Variants in NEB observed in about 807,000 individuals in gnomAD.
The protein encoded by NEB is nemaline myopathy type 2.
Under a neutral mutation model 952.2 loss-of-function variants are expected in NEB, and 512 were observed. The ratio of observed to expected loss-of-function variants is 0.54; its 90% CI spans 0.50 to 0.58. The LOEUF (loss-of-function observed/expected upper bound fraction) is 0.58, where lower values mean the gene tolerates loss of function less well. Among genes scored for constraint, NEB ranks in the 20% least tolerant of loss-of-function variants. NEB has a pLI of 0.00. For missense variants in NEB, 8,428 were observed against 9,231.1 expected (o/e 0.91, Z 3.56); for synonymous variants, 2,900 against 3,149.8 (o/e 0.92, Z 2.66).
intron 107 of NEB, among the ~76,000 whole-genome samples, chr2:151,573,479 GA>G (rs1283072331): frequency 1.3e-5 from 2 of 152,146 alleles, no homozygotes; most frequent in African/African-American, 4.8e-5. Context: ...CTCTTGACAA[GA>G]ATGCGCTGCA....
At chr2:151,538,272 CA>C (rs759896153) in intron 138 of NEB, 28 bp from the exon 139 acceptor site, 5 of 1,490,364 alleles carry the variant, frequency 3.4e-6, no homozygotes, top group African/African-American at 1.4e-5. Context: ...ACATGAATTA[CA>C]AAAAAACTAC....
intron 155 of NEB, 123 bp downstream of exon 155, chr2:151,518,842 G>A: frequency 1.5e-6 from 1 of 656,276 alleles, no homozygotes; most frequent in Non-Finnish European, 2.7e-6. Context: ...ACACTCAAAT[G>A]AGAACAGTTT....
In NEB at chr2:151,546,342, C is replaced by T. The variant is rs750414431; in HGVS notation, c.20466+3G>A. 13 of 1,609,992 alleles carry T rather than the reference C, an allele frequency of 8.1e-6. No homozygotes were observed. The highest frequency in any genetic ancestry group is 1.1e-5 in the Non-Finnish European group (13 of 1,177,770). On this transcript the variant is annotated splice_donor_region_variant and intron_variant, in intron 134 of 181. Coordinates refer to ENST00000397345, the MANE Select transcript of NEB (RefSeq NM_001164508.2). ...ATTATGCATTGTGATGATGTGCACTCACCCAGAGCTTCCGCAGGTGCCGGG... is the reference window on the plus strand; with the variant it reads ...ATTATGCATTGTGATGATGTGCACTTACCCAGAGCTTCCGCAGGTGCCGGG...
In NEB at chr2:151,655,895, C is replaced by A. The variant is rs373278622; in HGVS notation, c.6624G>T (p.Pro2208=). ...YASDQKYRQH[P]SNFQFKKLTD... Reference sequence around the variant, plus strand: ...TCAGCTTCTTAAACTGGAAGTTGCTCGGGTGCTGGCGGTATTTCTGATCAC... The same window carrying A: ...TCAGCTTCTTAAACTGGAAGTTGCTAGGGTGCTGGCGGTATTTCTGATCAC... Residue 2208 remains proline, a synonymous_variant, in exon 50 of 182, where the codon CCG becomes CCT. Coordinates refer to ENST00000397345, the MANE Select transcript of NEB (RefSeq NM_001164508.2). The A allele has an allele frequency of 6.2e-7, 1 of 1,613,748 alleles. No individual in the cohort carries two copies. Among genetic ancestry groups the A allele is most frequent in the African/African-American group, 1.3e-5 (1 of 74,992 alleles).
At chr2:151,665,224 C>A in intron 42 of NEB, 109 bp downstream of exon 42, 1 of 1,047,860 alleles carries the variant, frequency 9.5e-7, no homozygotes, top group Non-Finnish European at 1.4e-6. Flanking sequence ...ACCACCGGCA[C>A]GAAGACGATC....
In NEB at chr2:151,670,983, G is replaced by T. The variant is rs762444626; in HGVS notation, c.4506+40C>A. On this transcript the variant is annotated intron_variant, in intron 38 of 181. Coordinates refer to ENST00000397345, the MANE Select transcript of NEB (RefSeq NM_001164508.2). The stretch of plus-strand genomic sequence containing the variant: ...CGGAGGAGCGGCTCAGACACGTGTG[G>T]TTATTTACGGGCAAATCATTTTGAA... 6 of 1,574,826 alleles carry T rather than the reference G, an allele frequency of 3.8e-6. 1 individual carries two copies. The Admixed American group carries it at 1.0e-4, about 26-fold the overall frequency.
intron 135 of NEB, among the ~76,000 whole-genome samples, chr2:151,542,103 T>C (rs745949259): frequency 1.3e-5 from 2 of 152,176 alleles, no homozygotes; most frequent in Non-Finnish European, 2.9e-5. Context: ...ATGATTGCCA[T>C]GAACACTTCT....
intron 116 of NEB, 125 bp downstream of exon 116, chr2:151,565,376 T>A (rs911901299): frequency 1.3e-6 from 1 of 761,862 alleles, no homozygotes; most frequent in African/African-American, 1.7e-5. Context: ...CCCCCAAAGA[T>A]GATCTTAGAA....
rs186602389 is a variant in NEB at position 151,673,667 on chromosome 2, C to G, written c.3987+810G>C. On this transcript the variant is annotated intron_variant, in intron 36 of 181. Coordinates refer to ENST00000397345, the MANE Select transcript of NEB (RefSeq NM_001164508.2). ...TCTTTTCTCAAACCAAGATTTTATT[C>G]CCTGGGATAGCATGTAACAGTGAAC... Among the ~76,000 whole-genome samples, 553 of 151,614 alleles carry G rather than the reference C, an allele frequency of 3.6e-3. 1 individual carries two copies. Among genetic ancestry groups the G allele is most frequent in the Admixed American group, 6.2e-3 (95 of 15,210 alleles).
At chr2:151,507,129 A>T in intron 162 of NEB, 116 bp from the exon 163 acceptor site, 1 of 663,290 alleles carries the variant, frequency 1.5e-6, no homozygotes, top group Non-Finnish European at 2.6e-6. Flanking sequence ...AAGTCTATGC[A>T]CAATAATTAT....
intron 130 of NEB, among the ~76,000 whole-genome samples, chr2:151,548,669 C>T (rs1049115836): frequency 6.6e-6 from 1 of 152,134 alleles, no homozygotes; most frequent in Non-Finnish European, 1.5e-5. Flanking sequence ...GGAAGGTATG[C>T]AAAATGCCAG....
At chr2:151,658,166 A>T in intron 47 of NEB, 76 bp from the exon 48 acceptor site, 1 of 1,078,162 alleles carries the variant, frequency 9.3e-7, no homozygotes, top group Non-Finnish European at 1.3e-6. Flanking sequence ...GTAAACTACC[A>T]CTGTGGCGTC....
At chr2:151,497,947 AT>A (rs1052214323) in intron 170 of NEB, 21 of 1,437,804 alleles carry the variant, frequency 1.5e-5, no homozygotes, top group African/African-American at 4.3e-5. Context: ...TATCCATGTT[AT>A]TTTTTTTCAT....
chr2:151,680,305 C>T (rs2099404540), intron 30 of NEB, among the ~76,000 whole-genome samples: 1 of 151,948 alleles, frequency 6.6e-6, no homozygotes, highest in South Asian at 2.1e-4. Flanking sequence ...GGGTGGAATA[C>T]ACCAACCACC....
chr2:151,659,265 AT>A, intron 46 of NEB, 96 bp from the exon 47 acceptor site: 3 of 664,262 alleles, frequency 4.5e-6, no homozygotes, highest in Non-Finnish European at 5.1e-6. Context: ...TATTTCATGT[AT>A]TTTTATTAGC....
intron 137 of NEB, 105 bp downstream of exon 137, chr2:151,540,592 G>C: frequency 8.6e-7 from 1 of 1,157,530 alleles, no homozygotes; most frequent in Non-Finnish European, 1.3e-6. Flanking sequence ...ATGATGCTGA[G>C]CACCATTTAT....
In NEB at chr2:151,533,425, A is replaced by T. The variant is rs1447438279; in HGVS notation, c.21417+17T>A. 1.3e-6 allele frequency: 2 copies of T among 1,511,394 alleles called. No homozygotes were observed. The highest frequency in any genetic ancestry group is 2.0e-5 in the Admixed American group (1 of 50,956). 93.6% of individuals were successfully genotyped at this position (1,511,394 alleles called of 1,614,324 possible). A position where few individuals can be genotyped will look rare whatever the true frequency, so the allele number is the denominator to read the frequency against. On this transcript the variant is annotated intron_variant, in intron 143 of 181. Coordinates refer to ENST00000397345, the MANE Select transcript of NEB (RefSeq NM_001164508.2). ...ACTTCTTCTAAACCTCCTTCTTCAC[A>T]TCCCATCAGACATTACCTGGCTCCA...
chr2:151,648,436 T>C (rs2098989043), intron 54 of NEB, among the ~76,000 whole-genome samples: 1 of 152,106 alleles, frequency 6.6e-6, no homozygotes. Context: ...AACACCAGAG[T>C]TTCTCTTTAA....
chr2:151,553,856 A>G lies in NEB; in HGVS notation c.19598T>C (p.Val6533Ala). 2 of 1,613,364 alleles carry G rather than the reference A, an allele frequency of 1.2e-6. No individual in the cohort carries two copies. The highest frequency in any genetic ancestry group is 1.7e-6 in the Non-Finnish European group (2 of 1,179,520). The part of the protein sequence containing the change: ...CHPDLQVNDH[V>A]RKVTDQISDI... ...GCTGATCTGATCTGTGACTTTCCTGACGTGATCATTGACTTGCAAGTCGGG... is the reference window on the plus strand; with the variant it reads ...GCTGATCTGATCTGTGACTTTCCTGGCGTGATCATTGACTTGCAAGTCGGG... Residue 6533 changes from valine to alanine, a missense_variant, in exon 126 of 182, where the codon GTC becomes GCC. Coordinates refer to ENST00000397345, the MANE Select transcript of NEB (RefSeq NM_001164508.2).
Sources: gnomAD v4.1 joint callset for allele counts (sites outside exome capture counted in the v4.1 genomes callset) on GRCh38, gnomAD v4.1.1 for gene constraint, MANE v1.5 for transcripts, NCBI Gene and HGNC (gene_info 2026-07-23, HGNC 2026-07-21) for gene names.